The following MEGF11 variants were observed in gnomAD, a reference collection of about 807,000 sequenced individuals.
MEGF11 encodes multiple EGF like domains 11, also known as multiple epidermal growth factor-like domains protein 11.
In MEGF11, 126 loss-of-function variants were observed where a neutral mutation model predicts 146.6. The observed-to-expected ratio is 0.86, with a 90% confidence interval of 0.74 to 1.00. MEGF11 has a LOEUF of 1.00. MEGF11 is among the 50% of genes least tolerant of loss of function. The pLI, the probability that MEGF11 is intolerant of heterozygous loss-of-function variation, is 0.00. For synonymous variants in MEGF11, 532 were observed against 583.4 expected (o/e 0.91, Z 1.27); for missense variants, 1,509 against 1,521.2 (o/e 0.99, Z 0.13).
rs1446806762 is a variant in MEGF11, at chr15:66,119,093, G to A, written c.294C>T (p.Phe98=). 1 of 1,550,042 alleles carries A rather than the reference G, an allele frequency of 6.5e-7. No individual in the cohort carries two copies. The highest frequency in any genetic ancestry group is 8.7e-7 in the Non-Finnish European group (1 of 1,146,264). ...GCAGCAGCCCCTACATACGTATGCA[G>A]AAGTCTCCGCTCTCATAGTAGCCAG... ...CCPGYYESGD[F]CIPLCTEECV... Residue 98 remains phenylalanine (F), a synonymous_variant, in exon 4 of 26, where the codon TTC becomes TTT. Coordinates refer to ENST00000395614, the MANE Select transcript of MEGF11 (RefSeq NM_001385028.1).
chr15:66,075,028 T>G (rs2085514701), intron 5 of MEGF11, among the ~76,000 whole-genome samples: 1 of 152,228 alleles, frequency 6.6e-6, no homozygotes, highest in Non-Finnish European at 1.5e-5. Context: ...AAAAATATAT[T>G]CTGGATATTA....
chr15:65,913,460 T>G (rs1292828764), intron 20 of MEGF11: 18 of 554,854 alleles, frequency 3.2e-5, no homozygotes, highest in Non-Finnish European at 5.5e-5. Context: ...TGGGTGCTCC[T>G]GAGGCCGAAG....
chr15:66,181,034 T>G (rs2090533193), intron 1 of MEGF11, among the ~76,000 whole-genome samples: 1 of 152,264 alleles, frequency 6.6e-6, no homozygotes. Flanking sequence ...ATGTAAATGT[T>G]TGCTAAAGTA....
intron 4 of MEGF11, among the ~76,000 whole-genome samples, chr15:66,098,213 TG>T (rs2086633941): frequency 6.6e-6 from 1 of 152,112 alleles, no homozygotes; most frequent in Non-Finnish European, 1.5e-5. Context: ...ACAGCGATCT[TG>T]GCACCAAGCA....
intron 20 of MEGF11, among the ~76,000 whole-genome samples, chr15:65,913,059 C>T (rs1345607386): frequency 6.6e-6 from 1 of 152,134 alleles, no homozygotes; most frequent in African/African-American, 2.4e-5. Flanking sequence ...AGCAAAAAAC[C>T]TTTCGTATTT....
intron 1 of MEGF11, among the ~76,000 whole-genome samples, chr15:66,184,985 C>T (rs2090657568): frequency 6.6e-6 from 1 of 152,088 alleles, no homozygotes; most frequent in Non-Finnish European, 1.5e-5. Context: ...CCATGCAGCC[C>T]CCTACACAAG....
At chr15:66,153,203 T>C (rs1353596204) in intron 1 of MEGF11, among the ~76,000 whole-genome samples, 1 of 152,172 alleles carries the variant, frequency 6.6e-6, no homozygotes, top group African/African-American at 2.4e-5. Context: ...AAACAGGTGA[T>C]CAACAAAAGC....
chr15:66,041,818 TACAGATGAGAAA>T (rs2083991628), intron 5 of MEGF11, among the ~76,000 whole-genome samples: 2 of 152,174 alleles, frequency 1.3e-5, no homozygotes, highest in African/African-American at 4.8e-5. Context: ...ACTCCCATTT[TACAGATGAGAAA>T]ACAGATGAGA....
intron 4 of MEGF11, among the ~76,000 whole-genome samples, chr15:66,114,485 T>C (rs1045992208): frequency 6.6e-6 from 1 of 152,224 alleles, no homozygotes; most frequent in African/African-American, 2.4e-5. Flanking sequence ...TCCTGTATCA[T>C]CTGGTTTGAT....
chr15:66,162,475 C>T lies in MEGF11; in HGVS notation c.-8-34064G>A, dbSNP rs957776454. 3.9e-5 allele frequency among the ~76,000 whole-genome samples: 6 copies of T among 152,120 alleles called. No homozygotes were observed. The South Asian group carries it at 8.3e-4, about 21-fold the overall frequency. On this transcript the variant is annotated intron_variant, in intron 1 of 25. Coordinates refer to ENST00000395614, the MANE Select transcript of MEGF11 (RefSeq NM_001385028.1). Reference sequence around the variant, plus strand: ...TTATGCAGCACTGTAAAATAAGAAACTTCCCACAACAAAAATGACGTTATG... The same window carrying T: ...TTATGCAGCACTGTAAAATAAGAAATTTCCCACAACAAAAATGACGTTATG...
At chr15:66,094,361 C>A in intron 5 of MEGF11, 41 bp downstream of exon 5, 2 of 1,516,576 alleles carry the variant, frequency 1.3e-6, no homozygotes, top group Non-Finnish European at 1.8e-6. Context: ...CCTACCAAGT[C>A]AGAGCCAGGG....
At chr15:66,185,065 C>G (rs549192927) in intron 1 of MEGF11, among the ~76,000 whole-genome samples, 1 of 152,168 alleles carries the variant, frequency 6.6e-6, no homozygotes, top group Non-Finnish European at 1.5e-5. Context: ...TGTTCTGCAG[C>G]CAACACAGTG....
At chr15:66,192,745 TGAG>T (rs1172544746) in intron 1 of MEGF11, among the ~76,000 whole-genome samples, 1 of 152,186 alleles carries the variant, frequency 6.6e-6, no homozygotes, top group Non-Finnish European at 1.5e-5. Context: ...TTATTGGAGA[TGAG>T]GAGCCAGCAT....
At chr15:65,987,634 ACT>A (rs1284699501) in intron 5 of MEGF11, among the ~76,000 whole-genome samples, 2 of 151,660 alleles carry the variant, frequency 1.3e-5, no homozygotes, top group Non-Finnish European at 2.9e-5. Context: ...AAATATAAAA[ACT>A]CTGTAGCCAT....
chr15:65,919,070 C>T (rs2079092648), intron 15 of MEGF11, among the ~76,000 whole-genome samples: 1 of 152,206 alleles, frequency 6.6e-6, no homozygotes, highest in South Asian at 2.1e-4. Context: ...AGGTCTCTCA[C>T]ATCTTGGGCT....
chr15:65,992,558 G>A (rs1041290651), intron 5 of MEGF11, among the ~76,000 whole-genome samples: 2 of 152,020 alleles, frequency 1.3e-5, no homozygotes, highest in Admixed American at 1.3e-4. Flanking sequence ...ATTCAGCAGG[G>A]TATGTGTATG....
At chr15:65,958,335 T>C (rs2080731899) in intron 9 of MEGF11, among the ~76,000 whole-genome samples, 1 of 152,120 alleles carries the variant, frequency 6.6e-6, no homozygotes, top group African/African-American at 2.4e-5. Context: ...CTGTTTAGGC[T>C]AGAGAAAGGA....
At chr15:66,191,747 G>T (rs1021403450) in intron 1 of MEGF11, among the ~76,000 whole-genome samples, 1 of 152,146 alleles carries the variant, frequency 6.6e-6, no homozygotes, top group Non-Finnish European at 1.5e-5. Flanking sequence ...AGGCCTGGGG[G>T]ACCCCAGTGG....
In MEGF11 at chr15:65,913,956, C is replaced by T. The variant is rs1162233276; in HGVS notation, c.2491G>A (p.Glu831Lys). 15 of 1,613,792 alleles carry T rather than the reference C, an allele frequency of 9.3e-6. No homozygotes were observed. Among genetic ancestry groups the T allele is most frequent in the Non-Finnish European group, 1.1e-5 (13 of 1,179,802 alleles). The change falls in exon 20 of 26, where the codon GAG becomes AAG. Residue 831 changes from glutamate to lysine, a missense_variant. Coordinates refer to ENST00000395614, the MANE Select transcript of MEGF11 (RefSeq NM_001385028.1). ...CTGATCTTGGTGTAGGGATTCAGCTCCTCCATCATGAGGGCAGCTGCGGGC... is the reference window on the plus strand; with the variant it reads ...CTGATCTTGGTGTAGGGATTCAGCTTCTCCATCATGAGGGCAGCTGCGGGC... The part of the protein sequence containing the change: ...RCDQAALMME[E>K]LNPYTKISPA...
Sources: gnomAD v4.1 joint callset for allele counts (sites outside exome capture counted in the v4.1 genomes callset) on GRCh38, gnomAD v4.1.1 for gene constraint, MANE v1.5 for transcripts, NCBI Gene and HGNC (gene_info 2026-07-23, HGNC 2026-07-21) for gene names.